Variants in TF observed in about 807,000 individuals in gnomAD.
TF encodes serotransferrin.
Under a neutral mutation model 82.4 loss-of-function variants are expected in TF, and 55 were observed. The ratio of observed to expected loss-of-function variants is 0.67; its 90% CI spans 0.54 to 0.84. The LOEUF (loss-of-function observed/expected upper bound fraction) is 0.84. Ranked by LOEUF, TF falls within the 40% of genes least tolerant of loss-of-function variation. The probability of loss-of-function intolerance (pLI) is 0.00; values close to 1 mark genes in which losing one functional copy is unlikely to be tolerated. For synonymous variants in TF, 332 were observed against 332.6 expected (o/e 1.00, Z 0.02); for missense variants, 737 against 868.4 (o/e 0.85, Z 1.90).
the TF span, among the ~76,000 whole-genome samples, chr3:133,685,408 A>C: frequency 5.1e-4 from 77 of 152,320 alleles, no homozygotes; most frequent in African/African-American, 1.8e-3. Flanking sequence ...GAGGAAGTCA[A>C]ATTCTCCCTG....
chr3:133,723,670 A>ATTATTC, the TF span, among the ~76,000 whole-genome samples: 1 of 147,860 alleles, frequency 6.8e-6, no homozygotes, highest in Non-Finnish European at 1.5e-5. Flanking sequence ...TATTATTATT[A>ATTATTC]TTATACTTTA....
chr3:133,692,623 CAATT>C, the TF span, among the ~76,000 whole-genome samples: 1 of 152,118 alleles, frequency 6.6e-6, no homozygotes, highest in Non-Finnish European at 1.5e-5. Flanking sequence ...TCTCTCCTGT[CAATT>C]AAGGGCTTTT....
chr3:133,666,578 T>C, the TF span, among the ~76,000 whole-genome samples: 1 of 152,192 alleles, frequency 6.6e-6, no homozygotes, highest in Admixed American at 6.5e-5. Flanking sequence ...ACCTGGAAGA[T>C]AGAACATAGG....
At chr3:133,752,639 A>G (rs1224609202) in intron 2 of TF, among the ~76,000 whole-genome samples, 1 of 152,218 alleles carries the variant, frequency 6.6e-6, no homozygotes, top group Non-Finnish European at 1.5e-5. Flanking sequence ...GAGGGCTTAC[A>G]GAAGCACAAA....
chr3:133,693,466 T>C, the TF span, among the ~76,000 whole-genome samples: 2 of 152,224 alleles, frequency 1.3e-5, no homozygotes, highest in African/African-American at 4.8e-5. Context: ...AAGTACATCT[T>C]TTTGAGTCCG....
chr3:133,665,745 G>C, the TF span, among the ~76,000 whole-genome samples: 1 of 151,726 alleles, frequency 6.6e-6, no homozygotes, highest in African/African-American at 2.4e-5. Flanking sequence ...GGGAGTTCGA[G>C]ACCAGCCTGA....
the TF span, among the ~76,000 whole-genome samples, chr3:133,697,707 T>C: frequency 1.3e-5 from 2 of 152,258 alleles, no homozygotes; most frequent in Non-Finnish European, 2.9e-5. Flanking sequence ...TTAGGTCATA[T>C]TGATTCTCTA....
In TF at chr3:133,789,166, T is replaced by C. The variant is rs1164212463; in HGVS notation, c.*10546T>C. On this transcript the variant is annotated 3_prime_UTR_variant, in exon 17 of 17. Transcript: ENST00000402696. ...CAAAGGGGATGCCCTTGGCAGCAGT[T>C]CTAAGGACTAGTACTAAGCCCTCCT... is the stretch of plus-strand genomic sequence containing the variant. The C allele has an allele frequency of 6.6e-6, 1 of 152,408 alleles. No homozygotes were observed. The highest frequency in any genetic ancestry group is 2.4e-5 in the African/African-American group (1 of 41,582). 9.4% of individuals were successfully genotyped at this position (152,408 alleles called of 1,614,324 possible). A position where few individuals can be genotyped will look rare whatever the true frequency, so the allele number is the denominator to read the frequency against.
rs1365829049 is a variant in TF, at chr3:133,790,305, GC to G, written c.*11686del. ...CATATCTGATAGTTCAGGATTTCTA[GC>G]TTTTTAGCGTTTCACTAAAGTTTTA... On this transcript the variant is annotated 3_prime_UTR_variant, in exon 17 of 17. Coordinates refer to ENST00000402696, the MANE Select transcript of TF (RefSeq NM_001063.4). The G allele has an allele frequency of 2.0e-5, 3 of 152,170 alleles. 1 individual carries two copies. The highest frequency in any genetic ancestry group is 7.2e-5 in the African/African-American group (3 of 41,452). 9.4% of individuals were successfully genotyped at this position (152,170 alleles called of 1,614,324 possible). A position where few individuals can be genotyped will look rare whatever the true frequency, so the allele number is the denominator to read the frequency against.
Position 133,757,022 on chromosome 3 carries a change from G to GC in TF, c.870+15dup. The GC allele has an allele frequency of 1.2e-6, 2 of 1,614,128 alleles. No homozygotes were observed. Among genetic ancestry groups the GC allele is most frequent in the Non-Finnish European group, 1.7e-6 (2 of 1,180,024 alleles). On this transcript the variant is annotated intron_variant, in intron 7 of 16. Coordinates refer to ENST00000402696, the MANE Select transcript of TF (RefSeq NM_001063.4). ...CAACCAGGCCCAGGTATCCCCACCT[G>GC]CCATCCTCCCCTCCAGCTTAGTGCT... is the stretch of plus-strand genomic sequence containing the variant.
chr3:133,715,824 A>G, the TF span, among the ~76,000 whole-genome samples: 1 of 152,178 alleles, frequency 6.6e-6, no homozygotes. Context: ...TTGGTACACC[A>G]CCGACCACTG....
the TF span, among the ~76,000 whole-genome samples, chr3:133,728,087 A>AT: frequency 6.6e-6 from 1 of 151,768 alleles, no homozygotes; most frequent in Non-Finnish European, 1.5e-5. Context: ...TATCCTTAAC[A>AT]TTTTTCCTTC....
chr3:133,765,340 C>G (rs1934101187), intron 11 of TF, among the ~76,000 whole-genome samples: 1 of 152,328 alleles, frequency 6.6e-6, no homozygotes, highest in African/African-American at 2.4e-5. Flanking sequence ...GAGCCTCACA[C>G]AGGCAGATAT....
At chr3:133,685,650 G>C in the TF span, among the ~76,000 whole-genome samples, 1 of 152,176 alleles carries the variant, frequency 6.6e-6, no homozygotes, top group Non-Finnish European at 1.5e-5. Flanking sequence ...TACAAGGGAT[G>C]TGAAGGACCT....
In TF at chr3:133,791,959, G is replaced by A. The variant is rs1172786578; in HGVS notation, c.*13339G>A. 2.0e-5 allele frequency: 3 copies of A among 152,138 alleles called. No homozygotes were observed. The highest frequency in any genetic ancestry group is 6.5e-5 in the Admixed American group (1 of 15,276). 9.4% of individuals were successfully genotyped at this position (152,138 alleles called of 1,614,324 possible). ...CTTCTATTTACTTCATGTAACTTAAGTAATCTTTGGGAAATAAAGACAGTT... is the reference window on the plus strand; with the variant it reads ...CTTCTATTTACTTCATGTAACTTAAATAATCTTTGGGAAATAAAGACAGTT... On this transcript the variant is annotated 3_prime_UTR_variant, in exon 17 of 17. Coordinates refer to ENST00000402696, the MANE Select transcript of TF (RefSeq NM_001063.4).
chr3:133,736,630 C>T, the TF span, among the ~76,000 whole-genome samples: 1 of 12,566 alleles, frequency 8.0e-5, no homozygotes, highest in African/African-American at 5.1e-4. Flanking sequence ...AAATGGAAAG[C>T]CAAAAAAAAA....
the TF span, among the ~76,000 whole-genome samples, chr3:133,730,006 A>G: frequency 6.6e-6 from 1 of 151,966 alleles, no homozygotes; most frequent in Non-Finnish European, 1.5e-5. Context: ...CTGGACATTT[A>G]TTGTGGTGTC....
the TF span, among the ~76,000 whole-genome samples, chr3:133,720,109 G>A: frequency 1.3e-5 from 2 of 151,828 alleles, no homozygotes; most frequent in African/African-American, 4.8e-5. Flanking sequence ...CTTCCTAACT[G>A]TTGTTACTAG....
the TF span, among the ~76,000 whole-genome samples, chr3:133,714,930 G>T: frequency 6.6e-6 from 1 of 151,990 alleles, no homozygotes; most frequent in Non-Finnish European, 1.5e-5. Context: ...TGATCCACCC[G>T]CCTCGGCCTC....
Sources: gnomAD v4.1 joint callset for allele counts (sites outside exome capture counted in the v4.1 genomes callset) on GRCh38, gnomAD v4.1.1 for gene constraint, MANE v1.5 for transcripts, NCBI Gene and HGNC (gene_info 2026-07-23, HGNC 2026-07-21) for gene names.